Variants in GABRA4 observed in about 807,000 individuals in gnomAD.
GABRA4 encodes the protein gamma-aminobutyric acid receptor subunit alpha-4.
Under a neutral mutation model 49.7 loss-of-function variants are expected in GABRA4, and 12 were observed. The observed-to-expected ratio is 0.24, with a 90% confidence interval of 0.15 to 0.39. GABRA4 has a LOEUF of 0.39. GABRA4 is among the 10% of genes least tolerant of loss of function. GABRA4 has a pLI of 1.00. For missense variants in GABRA4, 506 were observed against 686.0 expected (o/e 0.74, Z 2.93); for synonymous variants, 288 against 240.2 (o/e 1.20, Z -1.84).
intron 2 of GABRA4, among the ~76,000 whole-genome samples, chr4:46,986,010 A>C (rs1318347370): frequency 2.6e-5 from 4 of 152,094 alleles, no homozygotes; most frequent in Non-Finnish European, 1.5e-5. Flanking sequence ...TCTCTTCTAT[A>C]TTATATTTGA....
intron 2 of GABRA4, among the ~76,000 whole-genome samples, chr4:46,989,482 G>A (rs1577799761): frequency 6.6e-6 from 1 of 152,114 alleles, no homozygotes; most frequent in Admixed American, 6.5e-5. Flanking sequence ...CTCTCTTCTC[G>A]CCTTTTCCCC....
intron 8 of GABRA4, among the ~76,000 whole-genome samples, chr4:46,959,557 A>G (rs1722490396): frequency 6.6e-6 from 1 of 151,810 alleles, no homozygotes; most frequent in African/African-American, 2.4e-5. Context: ...GAACTTAGCC[A>G]ATGGAATGAG....
rs1560460470 is a variant in GABRA4, at chr4:46,928,770, G to A, written c.1135-15C>T. 3 of 1,551,314 alleles carry A rather than the reference G, an allele frequency of 1.9e-6. No homozygotes were observed. Among genetic ancestry groups the A allele is most frequent in the Admixed American group, 1.8e-5 (1 of 56,070 alleles). On this transcript the variant is annotated splice_polypyrimidine_tract_variant and intron_variant, in intron 8 of 8. Transcript: ENST00000264318. ...GCATTTGTATTCTGAAAAGGTATAT[G>A]AAAAAATATATTGGTTATGTAACTT...
At chr4:46,975,534 G>A (rs1474954804) in intron 5 of GABRA4, among the ~76,000 whole-genome samples, 1 of 151,776 alleles carries the variant, frequency 6.6e-6, no homozygotes, top group African/African-American at 2.4e-5. Flanking sequence ...ATAGTGTTTT[G>A]TGTTTTCTTC....
At position 46,923,483 on chromosome 4, in the gene GABRA4, GGGT is replaced by G. The variant is rs1195275472; in HGVS notation, c.*4739_*4741del. On this transcript the variant is annotated 3_prime_UTR_variant, in exon 9 of 9. Transcript: ENST00000264318. Reference sequence around the variant, plus strand: ...CAAATACAAAATATTTCTGATTTCTGGGTGGTAGAATTTTGAGATTGTTTTTAA... The same window carrying G: ...CAAATACAAAATATTTCTGATTTCTGGGTAGAATTTTGAGATTGTTTTTAA... The G allele has an allele frequency of 6.6e-6, 1 of 151,844 alleles. No homozygotes were observed. Among genetic ancestry groups the G allele is most frequent in the African/African-American group, 2.4e-5 (1 of 41,324 alleles). 9.4% of individuals were successfully genotyped at this position (151,844 alleles called of 1,614,324 possible).
chr4:46,992,955 G>GAAAAAAAA lies in GABRA4; in HGVS notation c.87-17_87-10dup, dbSNP rs3215202. 1 of 1,162,402 alleles carries GAAAAAAAA rather than the reference G, an allele frequency of 8.6e-7. No homozygotes were observed. 72.0% of individuals were successfully genotyped at this position (1,162,402 alleles called of 1,614,324 possible). On this transcript the variant is annotated splice_polypyrimidine_tract_variant and intron_variant, in intron 1 of 8. Coordinates refer to ENST00000264318, the MANE Select transcript of GABRA4 (RefSeq NM_000809.4). ...CTGGGGATTCGTTTAAACTGCAAGC[G>GAAAAAAAA]AAAAAAAAAAAACCGGGGGCGGAGG...
chr4:46,987,315 C>T (rs1342566931), intron 2 of GABRA4, among the ~76,000 whole-genome samples: 5 of 152,224 alleles, frequency 3.3e-5, no homozygotes, highest in South Asian at 2.1e-4. Flanking sequence ...TACTGAATTA[C>T]GACCAGTATT....
At chr4:46,985,555 A>T (rs1723503280) in intron 2 of GABRA4, among the ~76,000 whole-genome samples, 1 of 152,098 alleles carries the variant, frequency 6.6e-6, no homozygotes, top group East Asian at 1.9e-4. Flanking sequence ...AGAAAGGCTT[A>T]GAGTATAAGG....
chr4:46,946,551 T>A (rs1316762810), intron 8 of GABRA4, among the ~76,000 whole-genome samples: 1 of 152,104 alleles, frequency 6.6e-6, no homozygotes, highest in African/African-American at 2.4e-5. Context: ...TAATAGGGAC[T>A]CCACTGTGGG....
chr4:46,975,546 T>C (rs568884979), intron 5 of GABRA4, among the ~76,000 whole-genome samples: 1 of 152,110 alleles, frequency 6.6e-6, no homozygotes, highest in South Asian at 2.1e-4. Context: ...GTTTTCTTCC[T>C]CTTTCCAGAT....
rs760897718 is a variant in GABRA4 at position 46,928,549 on chromosome 4, T to C, written c.1341A>G (p.Ala447=). 5 of 1,613,744 alleles carry C rather than the reference T, an allele frequency of 3.1e-6. No homozygotes were observed. Among genetic ancestry groups the C allele is most frequent in the Non-Finnish European group, 4.2e-6 (5 of 1,179,784 alleles). ...SRANAAETIS[A]ARALPSASPT... is the part of the protein sequence containing the mutation. The stretch of plus-strand genomic sequence containing the variant: ...GAGAAGCAGATGGAAGTGCTCTTGC[T>C]GCAGATATGGTTTCAGCTGCATTTG... The change falls in exon 9 of 9, where the codon GCA becomes GCG. Residue 447 remains alanine (A), a synonymous_variant. Transcript: ENST00000264318.
At chr4:46,946,784 T>C (rs1339055744) in intron 8 of GABRA4, among the ~76,000 whole-genome samples, 1 of 152,128 alleles carries the variant, frequency 6.6e-6, no homozygotes, top group Non-Finnish European at 1.5e-5. Context: ...GACTAAGCAC[T>C]GGTGCATTGA....
chr4:46,979,868 T>C (rs1723286744), intron 2 of GABRA4, among the ~76,000 whole-genome samples: 1 of 152,088 alleles, frequency 6.6e-6, no homozygotes, highest in Non-Finnish European at 1.5e-5. Flanking sequence ...CGTATCTAAA[T>C]AAGACTAGTT....
chr4:46,992,359 G>T (rs1260223883), intron 2 of GABRA4, among the ~76,000 whole-genome samples: 1 of 152,238 alleles, frequency 6.6e-6, no homozygotes, highest in Admixed American at 6.5e-5. Context: ...AGAGCAGGCA[G>T]CTTCATGCCC....
chr4:46,934,971 C>G (rs1398641328), intron 8 of GABRA4, among the ~76,000 whole-genome samples: 1 of 152,156 alleles, frequency 6.6e-6, no homozygotes, highest in African/African-American at 2.4e-5. Flanking sequence ...GTGCAAAGGA[C>G]ACTCCACTCA....
chr4:46,986,775 G>A (rs1723555870), intron 2 of GABRA4, among the ~76,000 whole-genome samples: 1 of 152,026 alleles, frequency 6.6e-6, no homozygotes, highest in African/African-American at 2.4e-5. Context: ...GTCTACTTCT[G>A]GCACAGTCTT....
chr4:46,942,614 G>A (rs1208246826), intron 8 of GABRA4, among the ~76,000 whole-genome samples: 2 of 145,520 alleles, frequency 1.4e-5, no homozygotes, highest in South Asian at 2.2e-4. Flanking sequence ...GACAGAGTGA[G>A]ACTCTGTCTC....
At chr4:46,931,911 G>A (rs1283827653) in intron 8 of GABRA4, among the ~76,000 whole-genome samples, 1 of 152,170 alleles carries the variant, frequency 6.6e-6, no homozygotes, top group African/African-American at 2.4e-5. Context: ...CCGAGCAAGC[G>A]TAATCAACAT....
At chr4:46,935,030 T>G (rs979897147) in intron 8 of GABRA4, among the ~76,000 whole-genome samples, 23 of 152,194 alleles carry the variant, frequency 1.5e-4, no homozygotes, top group Non-Finnish European at 2.8e-4. Flanking sequence ...TCTTATTCAA[T>G]GTAGAAAAGC....
Sources: allele counts gnomAD v4.1 joint callset (sites outside exome capture counted in the v4.1 genomes callset), GRCh38; gene constraint gnomAD v4.1.1; transcripts MANE v1.5; gene names NCBI Gene and HGNC (gene_info 2026-07-23, HGNC 2026-07-21).